The following NTNG1 variants were observed in gnomAD, a reference collection of about 807,000 sequenced individuals.
The protein encoded by NTNG1 is netrin G1, also known as netrin-G1.
Under a neutral mutation model 54.0 loss-of-function variants are expected in NTNG1, and 16 were observed. The ratio of observed to expected loss-of-function variants is 0.30; its 90% CI spans 0.20 to 0.45. NTNG1 has a LOEUF of 0.45. Among genes scored for constraint, NTNG1 ranks in the 20% least tolerant of loss-of-function variants. The probability of loss-of-function intolerance (pLI) is 1.00; values close to 1 mark genes in which losing one functional copy is unlikely to be tolerated. For missense variants in NTNG1, 530 were observed against 678.7 expected (o/e 0.78, Z 2.43); for synonymous variants, 255 against 263.1 (o/e 0.97, Z 0.30).
At chr1:107,249,623 T>G (rs998719848) in intron 2 of NTNG1, among the ~76,000 whole-genome samples, 10 of 152,186 alleles carry the variant, frequency 6.6e-5, no homozygotes, top group South Asian at 2.1e-4. Flanking sequence ...ATGGGTTCTG[T>G]GTTCATATGA....
At chr1:107,318,810 G>A (rs771601093) in intron 2 of NTNG1, among the ~76,000 whole-genome samples, 1 of 152,112 alleles carries the variant, frequency 6.6e-6, no homozygotes, top group Admixed American at 6.6e-5. Context: ...TTGGTACCCA[G>A]CATACCAGTT....
At chr1:107,468,291 A>T (rs571515551) in intron 7 of NTNG1, among the ~76,000 whole-genome samples, 3 of 152,192 alleles carry the variant, frequency 2.0e-5, no homozygotes, top group Non-Finnish European at 4.4e-5. Context: ...TAGCTTGACA[A>T]ACAGGAACCT....
rs183372729 is a variant in NTNG1, at chr1:107,305,387, C to T, written c.247-18895C>T. Among the ~76,000 whole-genome samples the T allele has an allele frequency of 4.8e-4, 73 of 152,314 alleles. 2 individuals are homozygous for T. Among genetic ancestry groups the T allele is most frequent in the East Asian group, 4.4e-3 (23 of 5,182 alleles). ...TAGCCTTCCTATTTCTCCACATCCT[C>T]TCCAGCATCTGTTGTTTCCTGACTT... On this transcript the variant is annotated intron_variant, in intron 2 of 7. Coordinates refer to ENST00000370068, the MANE Select transcript of NTNG1 (RefSeq NM_001113226.3).
chr1:107,354,734 A>G (rs1669839078), intron 3 of NTNG1, among the ~76,000 whole-genome samples: 2 of 152,174 alleles, frequency 1.3e-5, no homozygotes, highest in African/African-American at 2.4e-5. Flanking sequence ...GTCTACCCCT[A>G]GCATCACTGA....
intron 7 of NTNG1, among the ~76,000 whole-genome samples, chr1:107,476,975 G>T (rs1678372000): frequency 6.6e-6 from 1 of 152,166 alleles, no homozygotes; most frequent in African/African-American, 2.4e-5. Context: ...TAAAAGAAAT[G>T]GTTTAAAAAG....
intron 2 of NTNG1, among the ~76,000 whole-genome samples, chr1:107,229,137 G>T (rs1660883646): frequency 1.3e-5 from 2 of 151,898 alleles, no homozygotes; most frequent in Admixed American, 6.6e-5. Context: ...TGAGCAAAGG[G>T]CTGGCTGCAA....
At chr1:107,349,340 T>C (rs1395265039) in intron 3 of NTNG1, among the ~76,000 whole-genome samples, 1 of 152,172 alleles carries the variant, frequency 6.6e-6, no homozygotes, top group East Asian at 1.9e-4. Context: ...TTTTTTAATT[T>C]ATTTTAAATT....
At chr1:107,292,681 T>TG (rs1665691158) in intron 2 of NTNG1, among the ~76,000 whole-genome samples, 1 of 152,020 alleles carries the variant, frequency 6.6e-6, no homozygotes, top group Admixed American at 6.6e-5. Context: ...GTCATTAAGT[T>TG]GGTAAGGGAA....
At chr1:107,242,605 A>C (rs1205775350) in intron 2 of NTNG1, among the ~76,000 whole-genome samples, 1 of 152,178 alleles carries the variant, frequency 6.6e-6, no homozygotes, top group African/African-American at 2.4e-5. Flanking sequence ...CAAAATGAAC[A>C]TACCTAAAGC....
chr1:107,329,557 G>A (rs1201058433), intron 3 of NTNG1, among the ~76,000 whole-genome samples: 1 of 152,154 alleles, frequency 6.6e-6, no homozygotes, highest in African/African-American at 2.4e-5. Flanking sequence ...CAGTTATTCT[G>A]AAGGTTCCCT....
chr1:107,405,169 A>G (rs1673329431), intron 4 of NTNG1, among the ~76,000 whole-genome samples: 1 of 152,162 alleles, frequency 6.6e-6, no homozygotes, highest in Non-Finnish European at 1.5e-5. Context: ...TCTGTGGAGA[A>G]CCACAAACAA....
At chr1:107,397,714 A>G (rs1672768096) in intron 4 of NTNG1, among the ~76,000 whole-genome samples, 1 of 152,234 alleles carries the variant, frequency 6.6e-6, no homozygotes, top group Non-Finnish European at 1.5e-5. Context: ...AACTGGTATA[A>G]AAGTTACTTC....
chr1:107,343,368 C>G (rs1360570643), intron 3 of NTNG1, among the ~76,000 whole-genome samples: 1 of 152,002 alleles, frequency 6.6e-6, no homozygotes, highest in Non-Finnish European at 1.5e-5. Context: ...ATGCAATACC[C>G]AAAACAGAAC....
chr1:107,352,113 C>T (rs1192175848), intron 3 of NTNG1, among the ~76,000 whole-genome samples: 2 of 152,214 alleles, frequency 1.3e-5, no homozygotes, highest in Non-Finnish European at 2.9e-5. Flanking sequence ...CATGGGTTGG[C>T]GTTGAGTGCT....
At chr1:107,475,668 C>T (rs541227894) in intron 7 of NTNG1, among the ~76,000 whole-genome samples, 1 of 152,270 alleles carries the variant, frequency 6.6e-6, no homozygotes, top group South Asian at 2.1e-4. Context: ...TGTACCTTCC[C>T]CAAAATATAT....
chr1:107,322,312 A>G (rs1005111583), intron 2 of NTNG1, among the ~76,000 whole-genome samples: 1 of 152,070 alleles, frequency 6.6e-6, no homozygotes, highest in African/African-American at 2.4e-5. Flanking sequence ...CCTTGTTTCC[A>G]TACCCCTGAC....
intron 7 of NTNG1, among the ~76,000 whole-genome samples, chr1:107,475,690 GC>G: frequency 6.6e-6 from 1 of 152,250 alleles, no homozygotes; most frequent in South Asian, 2.1e-4. Flanking sequence ...AGGGACAACT[GC>G]CCTTCTTCAT....
At chr1:107,333,174 T>C (rs1197028180) in intron 3 of NTNG1, among the ~76,000 whole-genome samples, 1 of 151,970 alleles carries the variant, frequency 6.6e-6, no homozygotes, top group Non-Finnish European at 1.5e-5. Flanking sequence ...GGACAAGTCA[T>C]TAGGATTTTA....
intron 7 of NTNG1, among the ~76,000 whole-genome samples, chr1:107,457,295 C>T (rs1003628962): frequency 2.0e-5 from 3 of 152,174 alleles, no homozygotes; most frequent in African/African-American, 7.2e-5. Flanking sequence ...TACTAAATCC[C>T]CAATCCAATA....
Sources: gnomAD v4.1 joint callset for allele counts (sites outside exome capture counted in the v4.1 genomes callset) on GRCh38, gnomAD v4.1.1 for gene constraint, MANE v1.5 for transcripts, NCBI Gene and HGNC (gene_info 2026-07-23, HGNC 2026-07-21) for gene names.